ARHGEF33: variants seen among roughly 807,000 people sequenced by gnomAD.
The protein encoded by ARHGEF33 is DH and coiled-coil domain-containing protein ENSP00000381780.
In ARHGEF33, 72 loss-of-function variants were observed where a neutral mutation model predicts 101.9. That is an observed-to-expected ratio of 0.71 (90% CI 0.58 to 0.86). ARHGEF33 has a LOEUF of 0.86. Ranked by LOEUF, ARHGEF33 falls within the 40% of genes least tolerant of loss-of-function variation. ARHGEF33 has a pLI of 0.00. For synonymous variants in ARHGEF33, 499 were observed against 442.5 expected (o/e 1.13, Z -1.60); for missense variants, 1,169 against 1,111.3 (o/e 1.05, Z -0.74).
chr2:38,892,886 G>A (rs1197294430), intron 1 of ARHGEF33, among the ~76,000 whole-genome samples: 1 of 152,070 alleles, frequency 6.6e-6, no homozygotes, highest in Admixed American at 6.5e-5. Flanking sequence ...AGTTATTAAA[G>A]GTGCCTGCTC....
chr2:38,932,234 C>G (rs1430377679), intron 7 of ARHGEF33, among the ~76,000 whole-genome samples: 1 of 152,016 alleles, frequency 6.6e-6, no homozygotes, highest in South Asian at 2.1e-4. Context: ...GTGATTCTCC[C>G]ACCTTTGCCT....
chr2:38,910,043 C>T (rs1442184932), intron 2 of ARHGEF33, among the ~76,000 whole-genome samples: 2 of 151,962 alleles, frequency 1.3e-5, no homozygotes, highest in African/African-American at 2.4e-5. Context: ...ATAAATTTAG[C>T]TATTTACATG....
chr2:38,966,949 C>T (rs1329628222), intron 17 of ARHGEF33, among the ~76,000 whole-genome samples: 1 of 152,188 alleles, frequency 6.6e-6, no homozygotes, highest in Non-Finnish European at 1.5e-5. Flanking sequence ...GCCTACCTCC[C>T]TCTCCCTTAG....
At chr2:38,971,901 G>A (rs1225269357) in intron 17 of ARHGEF33, 3 of 718,472 alleles carry the variant, frequency 4.2e-6, no homozygotes, top group African/African-American at 1.7e-5. Context: ...AGATTTCTGT[G>A]GTCCTTGGGG....
At chr2:38,959,556 T>TGAG in intron 15 of ARHGEF33, 1 of 329,050 alleles carries the variant, frequency 3.0e-6, no homozygotes, top group East Asian at 4.9e-5. Context: ...CCGCAGGTGG[T>TGAG]GAGGAGGGTC....
At chr2:38,892,753 T>A (rs1404977303) in intron 1 of ARHGEF33, among the ~76,000 whole-genome samples, 2 of 152,198 alleles carry the variant, frequency 1.3e-5, no homozygotes, top group African/African-American at 4.8e-5. Flanking sequence ...ATCCAACTCT[T>A]TTTCTTGGGT....
chr2:38,958,257 G>T (rs570579798), intron 15 of ARHGEF33, 59 bp downstream of exon 15: 1 of 1,538,558 alleles, frequency 6.5e-7, no homozygotes, highest in African/African-American at 1.4e-5. Context: ...CAGCCAGTCT[G>T]TGCGGGTTAG....
chr2:38,905,257 G>T (rs1027911052), intron 2 of ARHGEF33, among the ~76,000 whole-genome samples: 1 of 152,092 alleles, frequency 6.6e-6, no homozygotes, highest in African/African-American at 2.4e-5. Flanking sequence ...ACTGCATAGT[G>T]AAAATACTAG....
intron 2 of ARHGEF33, among the ~76,000 whole-genome samples, chr2:38,897,707 A>G (rs1418983419): frequency 6.6e-6 from 1 of 152,238 alleles, no homozygotes; most frequent in African/African-American, 2.4e-5. Flanking sequence ...TAGAAATACT[A>G]TAATGGAAGT....
chr2:38,896,973 T>TG (rs1327253288), intron 2 of ARHGEF33, among the ~76,000 whole-genome samples: 121 of 152,306 alleles, frequency 7.9e-4, no homozygotes, highest in African/African-American at 2.8e-3. Flanking sequence ...TGGAGTGCAG[T>TG]GGCACGATCT....
At chr2:38,970,455 T>G (rs1401621084) in intron 17 of ARHGEF33, among the ~76,000 whole-genome samples, 5 of 152,234 alleles carry the variant, frequency 3.3e-5, no homozygotes, top group African/African-American at 9.6e-5. Flanking sequence ...CCTCTCCCAC[T>G]CTTACCCACT....
At chr2:38,912,180 T>C (rs1326731165) in intron 2 of ARHGEF33, among the ~76,000 whole-genome samples, 1 of 152,180 alleles carries the variant, frequency 6.6e-6, no homozygotes, top group Non-Finnish European at 1.5e-5. Flanking sequence ...ACTGCAACTG[T>C]AGAGACAGAA....
chr2:38,948,941 T>C (rs1039552728), intron 10 of ARHGEF33, among the ~76,000 whole-genome samples: 11 of 152,176 alleles, frequency 7.2e-5, no homozygotes, highest in Non-Finnish European at 2.9e-5. Flanking sequence ...AAACCCACTG[T>C]TCCATTGTAA....
At chr2:38,964,692 G>A (rs986316111) in intron 16 of ARHGEF33, among the ~76,000 whole-genome samples, 2 of 152,022 alleles carry the variant, frequency 1.3e-5, no homozygotes, top group African/African-American at 2.4e-5. Flanking sequence ...TACAGATGAA[G>A]CTTCGCTTGC....
At chr2:38,890,178 C>G (rs1388292949) in intron 1 of ARHGEF33, among the ~76,000 whole-genome samples, 192 bp downstream of exon 1, 2 of 152,114 alleles carry the variant, frequency 1.3e-5, no homozygotes, top group African/African-American at 4.8e-5. Context: ...ACATTTATTT[C>G]CTTGCTTAAT....
At chr2:38,896,660 G>A (rs1666130041) in intron 2 of ARHGEF33, among the ~76,000 whole-genome samples, 1 of 152,250 alleles carries the variant, frequency 6.6e-6, no homozygotes, top group Middle Eastern at 3.4e-3. Context: ...GAAATAAGTA[G>A]CACAGCTGGG....
At chr2:38,917,099 C>CTTTTTTTTTTTTTT (rs1558426821) in intron 2 of ARHGEF33, among the ~76,000 whole-genome samples, 2 of 40,186 alleles carry the variant, frequency 5.0e-5, no homozygotes, top group African/African-American at 9.1e-5. Flanking sequence ...TGCAACCGGT[C>CTTTTTTTTTTTTTT]TTCTTTTTTT....
At chr2:38,944,546 T>A (rs1460544207) in intron 10 of ARHGEF33, among the ~76,000 whole-genome samples, 1 of 152,128 alleles carries the variant, frequency 6.6e-6, no homozygotes, top group Non-Finnish European at 1.5e-5. Flanking sequence ...CACATTTAGA[T>A]CATAGCAATA....
rs1667165337 is a variant in ARHGEF33, at chr2:38,937,260, G to C, written c.566-75G>C. 1.6e-5 allele frequency: 12 copies of C among 754,286 alleles called. No homozygotes were observed. The South Asian group carries it at 1.7e-4, about 10-fold the overall frequency. 46.7% of individuals were successfully genotyped at this position (754,286 alleles called of 1,614,324 possible). A position where few individuals can be genotyped will look rare whatever the true frequency, so the allele number is the denominator to read the frequency against. On this transcript the variant is annotated intron_variant, in intron 8 of 17. Coordinates refer to ENST00000409978, the MANE Select transcript of ARHGEF33 (RefSeq NM_001145451.5). ...CCGCCTGCCTCGGCCTCCGAAAGTG[G>C]TAACAAACATATTTTTTAAAAAGAT...
Sources: gnomAD v4.1 joint callset for allele counts (sites outside exome capture counted in the v4.1 genomes callset) on GRCh38, gnomAD v4.1.1 for gene constraint, MANE v1.5 for transcripts, NCBI Gene and HGNC (gene_info 2026-07-23, HGNC 2026-07-21) for gene names.